Variants in ADAM22 observed in about 807,000 individuals in gnomAD.
The protein encoded by ADAM22 is disintegrin and metalloproteinase domain-containing protein 22.
ADAM22 carries 65 observed loss-of-function variants against 144.6 expected under a neutral mutation model. The observed-to-expected ratio is 0.45, with a 90% CI of 0.37 to 0.55. The LOEUF (loss-of-function observed/expected upper bound fraction) is 0.55, where lower values mean the gene tolerates loss of function less well. ADAM22 is among the 20% of genes least tolerant of loss of function. ADAM22 has a pLI of 0.00. For synonymous variants in ADAM22, 391 were observed against 412.6 expected (o/e 0.95, Z 0.63); for missense variants, 974 against 1,184.9 (o/e 0.82, Z 2.61).
chr7:88,070,958 G>A (rs577003522), intron 3 of ADAM22, among the ~76,000 whole-genome samples: 17 of 152,146 alleles, frequency 1.1e-4, no homozygotes, highest in South Asian at 2.1e-4. Context: ...CTGGAAAAGC[G>A]TAGTGGACTT....
intron 3 of ADAM22, among the ~76,000 whole-genome samples, chr7:88,027,584 C>T (rs1799285603): frequency 6.6e-6 from 1 of 151,836 alleles, no homozygotes; most frequent in South Asian, 2.1e-4. Context: ...ACTCTTTTCT[C>T]TTTTTTTTCC....
chr7:88,031,976 C>G (rs1157958006), intron 3 of ADAM22, among the ~76,000 whole-genome samples: 1 of 152,222 alleles, frequency 6.6e-6, no homozygotes, highest in Non-Finnish European at 1.5e-5. Context: ...GCTTGGGTGC[C>G]TCTGCCTAGA....
intron 2 of ADAM22, among the ~76,000 whole-genome samples, chr7:87,958,680 G>A (rs192258033): frequency 2.6e-5 from 4 of 152,166 alleles, no homozygotes; most frequent in East Asian, 3.9e-4. Flanking sequence ...CACCGTGCCC[G>A]GCCGACTTTA....
At chr7:88,121,224 C>G (rs1433771132) in intron 7 of ADAM22, among the ~76,000 whole-genome samples, 7 of 151,880 alleles carry the variant, frequency 4.6e-5, no homozygotes, top group East Asian at 1.9e-4. Context: ...TATTCTGGGC[C>G]CTTCACATTT....
Position 88,134,430 on chromosome 7 carries a change from G to A in ADAM22, c.1168+11G>A, listed in dbSNP as rs1343839248. 6.4e-7 allele frequency: 1 copy of A among 1,574,364 alleles called. No homozygotes were observed. The highest frequency in any genetic ancestry group is 8.7e-7 in the Non-Finnish European group (1 of 1,149,122). ...GAAAGTTAGCAAGTGGTAAGTTTTA[G>A]TACATGTGTGGTTAGTTGTATTTAA... On this transcript the variant is annotated intron_variant, in intron 13 of 31. Transcript: ENST00000413139.
intron 30 of ADAM22, among the ~76,000 whole-genome samples, chr7:88,188,885 G>T (rs1027580653): frequency 1.3e-5 from 2 of 152,144 alleles, no homozygotes; most frequent in Non-Finnish European, 2.9e-5. Flanking sequence ...GTAGAGACGG[G>T]ATCTCACCAT....
chr7:88,097,779 A>T (rs1007506355), intron 4 of ADAM22, among the ~76,000 whole-genome samples: 9 of 152,216 alleles, frequency 5.9e-5, no homozygotes, highest in Non-Finnish European at 1.2e-4. Context: ...CATCAACTAC[A>T]GAATAAGGTT....
chr7:87,982,685 AT>A lies in ADAM22; in HGVS notation c.323+4274del, dbSNP rs1562916444. Among the ~76,000 whole-genome samples the A allele has an allele frequency of 1.1e-3, 77 of 72,214 alleles. 7 individuals carry two copies. The highest frequency in any genetic ancestry group is 3.2e-3 in the African/African-American group (41 of 12,764). The allele number at this position is 72,214 out of a possible 152,430, so 47.4% of individuals were successfully genotyped here. ...TCAGTTATTACATATATATATATAT[AT>A]ATATATATATATAATTTTTTTTTTT... is the stretch of plus-strand genomic sequence containing the variant. On this transcript the variant is annotated intron_variant, in intron 3 of 31. Coordinates refer to ENST00000413139, the MANE Select transcript of ADAM22 (RefSeq NM_001324418.2).
chr7:88,179,376 G>A (rs1846423083), intron 27 of ADAM22, among the ~76,000 whole-genome samples: 1 of 151,958 alleles, frequency 6.6e-6, no homozygotes, highest in Non-Finnish European at 1.5e-5. Context: ...TGAGCTTTAT[G>A]TCATGTTTGG....
Position 87,966,721 on chromosome 7 carries a change from G to GTTTTTTTTTTTTTTTTTTTTT in ADAM22, c.247-11604_247-11584dup, listed in dbSNP as rs71120012. 1.5e-4 allele frequency among the ~76,000 whole-genome samples: 6 copies of GTTTTTTTTTTTTTTTTTTTTT among 39,886 alleles called. 1 individual carries two copies. Among genetic ancestry groups the GTTTTTTTTTTTTTTTTTTTTT allele is most frequent in the African/African-American group, 3.4e-4 (3 of 8,722 alleles). The allele number at this position is 39,886 out of a possible 152,430, so 26.2% of individuals were successfully genotyped here. ...GAGTTCATCTTATCCAAGGAAAGCC[G>GTTTTTTTTTTTTTTTTTTTTT]TTTTTTTTTTTTTTTTTTTTTTTTT... is the stretch of plus-strand genomic sequence containing the variant. On this transcript the variant is annotated intron_variant, in intron 2 of 31. Transcript: ENST00000413139.
chr7:88,007,544 A>AAC (rs1409229705), intron 3 of ADAM22, among the ~76,000 whole-genome samples: 15 of 152,222 alleles, frequency 9.9e-5, no homozygotes, highest in Admixed American at 8.5e-4. Context: ...CTGGTACCAA[A>AAC]ACAGACGTAT....
In ADAM22 at chr7:88,199,212, T is replaced by C. The variant is rs1470065081; in HGVS notation, c.*2721T>C. On this transcript the variant is annotated 3_prime_UTR_variant, in exon 32 of 32. Transcript: ENST00000413139. ...AACTTTGAGGCCGTATCACAGTTTA[T>C]ATCATGCAACTAATATTTATATTTC... 1 of 152,254 alleles carries C rather than the reference T, an allele frequency of 6.6e-6. No homozygotes were observed. The highest frequency in any genetic ancestry group is 6.5e-5 in the Admixed American group (1 of 15,288). The allele number at this position is 152,254 out of a possible 1,614,324, so 9.4% of individuals were successfully genotyped here. A position where few individuals can be genotyped will look rare whatever the true frequency, so the allele number is the denominator to read the frequency against.
At chr7:87,946,041 T>A (rs1843611134) in intron 2 of ADAM22, among the ~76,000 whole-genome samples, 1 of 151,534 alleles carries the variant, frequency 6.6e-6, no homozygotes, top group African/African-American at 2.4e-5. Context: ...CTCATCAGCA[T>A]CTGTTTTTTT....
At chr7:87,978,487 CTTACTATA>C in intron 3 of ADAM22, 75 bp downstream of exon 3, 1 of 1,325,664 alleles carries the variant, frequency 7.5e-7, no homozygotes, top group Non-Finnish European at 1.1e-6. Context: ...AAAGTTTTTT[CTTACTATA>C]TTTTACTTTG....
At chr7:88,156,485 T>A (rs1839984272) in intron 22 of ADAM22, among the ~76,000 whole-genome samples, 1 of 152,120 alleles carries the variant, frequency 6.6e-6, no homozygotes, top group Non-Finnish European at 1.5e-5. Context: ...TTATCAAAGC[T>A]GAGAAAGCTG....
intron 10 of ADAM22, 81 bp from the exon 11 acceptor site, chr7:88,131,188 A>C (rs1831678523): frequency 8.3e-7 from 1 of 1,199,166 alleles, no homozygotes; most frequent in East Asian, 2.5e-5. Context: ...GTTTCCATGA[A>C]AGGAGTTTTG....
chr7:88,030,960 C>CA lies in ADAM22; in HGVS notation c.324-44660dup, dbSNP rs551398317. 4.6e-5 allele frequency among the ~76,000 whole-genome samples: 7 copies of CA among 152,124 alleles called. No individual in the cohort carries two copies. In the South Asian group the frequency reaches 1.2e-3, roughly 27 times the overall value. Reference sequence around the variant, plus strand: ...TGAAACCCCATCTCTACTAAAAATACAAAAAATTAGCCGGGCGTGGTGGCG... The same window carrying CA: ...TGAAACCCCATCTCTACTAAAAATACAAAAAAATTAGCCGGGCGTGGTGGCG... On this transcript the variant is annotated intron_variant, in intron 3 of 31. Coordinates refer to ENST00000413139, the MANE Select transcript of ADAM22 (RefSeq NM_001324418.2).
chr7:88,084,358 A>G (rs565475478), intron 4 of ADAM22, among the ~76,000 whole-genome samples: 6 of 152,200 alleles, frequency 3.9e-5, no homozygotes, highest in South Asian at 2.1e-4. Context: ...TACCAGGGAA[A>G]TGATAAATAC....
intron 4 of ADAM22, among the ~76,000 whole-genome samples, chr7:88,087,601 A>G (rs781505818): frequency 1.3e-5 from 2 of 152,182 alleles, no homozygotes; most frequent in Admixed American, 6.5e-5. Flanking sequence ...ACATCTTTGT[A>G]GAGATATGAT....
Sources: allele counts gnomAD v4.1 joint callset (sites outside exome capture counted in the v4.1 genomes callset), GRCh38; gene constraint gnomAD v4.1.1; transcripts MANE v1.5; gene names NCBI Gene and HGNC (gene_info 2026-07-23, HGNC 2026-07-21).